Variants in ZNF487 observed in about 807,000 individuals in gnomAD.
ZNF487 encodes zinc finger protein 487.
In ZNF487, 4 loss-of-function variants were observed where a neutral mutation model predicts 3.0. The ratio of observed to expected loss-of-function variants is 1.35; its 90% CI spans 0.66 to 3.08. ZNF487 has a LOEUF of 3.08. Among genes scored for constraint, ZNF487 ranks in the 30% most tolerant of loss-of-function variants. ZNF487 has a pLI of 0.01. For missense variants in ZNF487, 146 were observed against 98.7 expected, an observed-to-expected ratio of 1.48 and a Z score of -2.03; for synonymous variants, 55 against 34.6, an observed-to-expected ratio of 1.59 and a Z score of -2.06.
the ZNF487 span, among the ~76,000 whole-genome samples, chr10:43,494,200 G>A: frequency 7.9e-5 from 12 of 152,268 alleles, no homozygotes; most frequent in South Asian, 6.2e-4. Flanking sequence ...CTGCTGTTGT[G>A]TGAAAGCAGC....
chr10:43,504,068 T>C, the ZNF487 span, among the ~76,000 whole-genome samples: 2 of 152,200 alleles, frequency 1.3e-5, no homozygotes, highest in East Asian at 3.8e-4. Context: ...CCTAGGTGTG[T>C]AGTAGCTATA....
At chr10:43,494,824 C>T in the ZNF487 span, among the ~76,000 whole-genome samples, 541 of 137,532 alleles carry the variant, frequency 3.9e-3, no homozygotes, top group Non-Finnish European at 6.0e-3. Context: ...GTAATGTCAT[C>T]TACTCAGGAG....
At chr10:43,486,261 A>T (rs570417352), downstream of ZNF487, among the ~76,000 whole-genome samples, 1 of 152,212 alleles carries the variant, frequency 6.6e-6, no homozygotes, top group Non-Finnish European at 1.5e-5. Context: ...AGGGTGGCTC[A>T]CACCTGTAAT....
At chr10:43,447,973 G>T (rs1177171290) in intron 1 of ZNF487, among the ~76,000 whole-genome samples, 1 of 146,616 alleles carries the variant, frequency 6.8e-6, no homozygotes, top group Admixed American at 7.0e-5. Flanking sequence ...GATGTTCAGG[G>T]TCTTGGAAAC....
the ZNF487 span, among the ~76,000 whole-genome samples, chr10:43,498,115 T>TATA: frequency 3.7e-4 from 3 of 8,176 alleles, no homozygotes; most frequent in African/African-American, 6.1e-4. Flanking sequence ...TTTTTTTTTC[T>TATA]TTTTTTTTTT....
At chr10:43,517,995 G>A in the ZNF487 span, among the ~76,000 whole-genome samples, 3 of 152,176 alleles carry the variant, frequency 2.0e-5, no homozygotes, top group African/African-American at 7.2e-5. Flanking sequence ...GCCACTTTCA[G>A]GCAGTCGTCC....
chr10:43,437,044 C>T, upstream of ZNF487: 1 of 334,694 alleles, frequency 3.0e-6, no homozygotes, highest in Non-Finnish European at 6.1e-6. Context: ...CTTCCGGAAG[C>T]GCAGGGAGCG....
the ZNF487 span, among the ~76,000 whole-genome samples, chr10:43,491,015 G>C: frequency 3.3e-5 from 4 of 121,994 alleles, no homozygotes; most frequent in African/African-American, 1.0e-4. Flanking sequence ...GTCTCACTCT[G>C]TCTCCTGGGG....
chr10:43,444,939 C>T (rs955439742), intron 1 of ZNF487, among the ~76,000 whole-genome samples: 20 of 151,978 alleles, frequency 1.3e-4, no homozygotes, highest in Admixed American at 1.3e-3. Context: ...ATTTTTTATG[C>T]CAACAACCCC....
At chr10:43,513,183 A>G in the ZNF487 span, among the ~76,000 whole-genome samples, 1 of 152,266 alleles carries the variant, frequency 6.6e-6, no homozygotes, top group East Asian at 1.9e-4. Context: ...GTGCTTCCGA[A>G]TAAGATTATG....
intron 1 of ZNF487, among the ~76,000 whole-genome samples, chr10:43,459,950 T>C (rs561467074): frequency 1.7e-4 from 26 of 151,644 alleles, no homozygotes; most frequent in Non-Finnish European, 3.1e-4. Context: ...TACAGGCGCC[T>C]GCCACCACGC....
At chr10:43,499,019 G>A in the ZNF487 span, among the ~76,000 whole-genome samples, 32 of 152,122 alleles carry the variant, frequency 2.1e-4, 1 homozygote, top group South Asian at 6.6e-3. Flanking sequence ...GTGTAAAAAG[G>A]ACAAACACAT....
chr10:43,456,908 C>T (rs991245144), intron 1 of ZNF487, among the ~76,000 whole-genome samples: 2 of 152,190 alleles, frequency 1.3e-5, no homozygotes, highest in African/African-American at 4.8e-5. Flanking sequence ...AACACCCCAA[C>T]GGCCTTTGAA....
At chr10:43,455,647 C>T (rs926321437) in intron 1 of ZNF487, among the ~76,000 whole-genome samples, 1 of 152,216 alleles carries the variant, frequency 6.6e-6, no homozygotes, top group Non-Finnish European at 1.5e-5. Context: ...CTTGTGGCAG[C>T]GACGGGCACT....
the ZNF487 span, chr10:43,496,193 A>C: frequency 2.2e-6 from 1 of 448,136 alleles, no homozygotes; most frequent in South Asian, 1.6e-5. Flanking sequence ...CTTTTTTAGC[A>C]GTTGATATAC....
chr10:43,445,553 T>G (rs140269999), intron 1 of ZNF487, among the ~76,000 whole-genome samples: 1 of 152,316 alleles, frequency 6.6e-6, no homozygotes, highest in East Asian at 1.9e-4. Context: ...AGGGCATTGT[T>G]CATTCTGGGG....
At chr10:43,446,949 C>G (rs1245934797) in intron 1 of ZNF487, among the ~76,000 whole-genome samples, 1 of 152,052 alleles carries the variant, frequency 6.6e-6, no homozygotes, top group Non-Finnish European at 1.5e-5. Context: ...CCCGGCACCT[C>G]AGGAGGCCGA....
chr10:43,508,013 A>G, the ZNF487 span, among the ~76,000 whole-genome samples: 1 of 152,248 alleles, frequency 6.6e-6, no homozygotes, highest in Non-Finnish European at 1.5e-5. Flanking sequence ...CCACTGGGCC[A>G]TGGGCCTTGC....
Position 43,476,171 on chromosome 10 carries a change from A to G in ZNF487, c.99A>G (p.Leu33=). 1.4e-6 allele frequency: 1 copy of G among 717,364 alleles called. No individual in the cohort carries two copies. Among genetic ancestry groups the G allele is most frequent in the Non-Finnish European group, 2.6e-6 (1 of 385,104 alleles). The allele number at this position is 717,364 out of a possible 1,614,324, so 44.4% of individuals were successfully genotyped here. ...KLEHGQVLWI[L]EEESPSQSHL... is the part of the protein sequence containing the mutation. The stretch of plus-strand genomic sequence containing the variant: ...AGCATGGACAGGTGCTGTGGATATT[A>G]GAGGAAGAGTCCCCAAGTCAGAGCC... Residue 33 remains leucine (L), a synonymous_variant, in exon 3 of 4, where the codon TTA becomes TTG. Coordinates refer to ENST00000437590, the MANE Select transcript of ZNF487 (RefSeq NM_001355444.3).
Sources: allele counts gnomAD v4.1 joint callset (sites outside exome capture counted in the v4.1 genomes callset), GRCh38; gene constraint gnomAD v4.1.1; transcripts MANE v1.5; gene names NCBI Gene and HGNC (gene_info 2026-07-23, HGNC 2026-07-21).